The following TGDS variants were observed in gnomAD, a reference collection of about 807,000 sequenced individuals.
The protein encoded by TGDS is TDP-glucose 4,6-dehydratase.
A neutral mutation model predicts 52.3 loss-of-function variants in TGDS; 47 were observed. That is an observed-to-expected ratio of 0.90 (90% CI 0.71 to 1.15). The LOEUF (loss-of-function observed/expected upper bound fraction) is 1.15. Among genes scored for constraint, TGDS ranks in the 50% most tolerant of loss-of-function variants. TGDS has a pLI of 0.00. For missense variants in TGDS, 375 were observed against 418.4 expected, an observed-to-expected ratio of 0.90 and a Z score of 0.90; for synonymous variants, 115 against 136.9, an observed-to-expected ratio of 0.84 and a Z score of 1.12.
At position 94,583,243 on chromosome 13, in the gene TGDS, G is replaced by C; in HGVS notation, c.314-7C>G. On this transcript the variant is annotated splice_polypyrimidine_tract_variant and splice_region_variant and intron_variant, in intron 4 of 11. Transcript: ENST00000261296. ...GCACGTACGAATGAAAGATCTAAAAGAAAAGAGTGAAAAGCTAAAACAAGT... is the reference window on the plus strand; with the variant it reads ...GCACGTACGAATGAAAGATCTAAAACAAAAGAGTGAAAAGCTAAAACAAGT... 6.2e-7 allele frequency: 1 copy of C among 1,609,268 alleles called. No homozygotes were observed. Among genetic ancestry groups the C allele is most frequent in the Non-Finnish European group, 8.5e-7 (1 of 1,178,646 alleles).
At chr13:94,595,283 T>C (rs1042507097) in intron 1 of TGDS, among the ~76,000 whole-genome samples, 3 of 152,170 alleles carry the variant, frequency 2.0e-5, no homozygotes, top group African/African-American at 7.2e-5. Flanking sequence ...GTTGCAAAAG[T>C]AGGGCTTGGG....
At chr13:94,584,423 T>C (rs1240750843) in intron 4 of TGDS, among the ~76,000 whole-genome samples, 1 of 152,124 alleles carries the variant, frequency 6.6e-6, no homozygotes, top group African/African-American at 2.4e-5. Flanking sequence ...AGAACCAAGG[T>C]GTTCAGGGTA....
intron 1 of TGDS, among the ~76,000 whole-genome samples, chr13:94,595,325 G>T (rs1360128063): frequency 6.6e-6 from 1 of 152,142 alleles, no homozygotes; most frequent in Non-Finnish European, 1.5e-5. Flanking sequence ...GTAGAGTTTG[G>T]GCTTTATTCT....
chr13:94,582,214 T>C (rs898354367), intron 5 of TGDS, among the ~76,000 whole-genome samples: 4 of 142,536 alleles, frequency 2.8e-5, no homozygotes, highest in African/African-American at 1.0e-4. Context: ...AAAAAAAAAA[T>C]AGATTTTGGT....
chr13:94,592,500 T>G (rs756465924), intron 2 of TGDS, among the ~76,000 whole-genome samples, 191 bp from the exon 3 acceptor site: 22 of 152,182 alleles, frequency 1.4e-4, no homozygotes, highest in Non-Finnish European at 3.1e-4. Flanking sequence ...TTGCCCAGGC[T>G]GTAGTGCAGT....
At chr13:94,594,041 A>G in intron 1 of TGDS, 134 bp from the exon 2 acceptor site, 1 of 570,382 alleles carries the variant, frequency 1.8e-6, no homozygotes, top group Non-Finnish European at 3.1e-6. Context: ...CAGAAAACAT[A>G]ACTACACTAA....
At chr13:94,579,069 T>G (rs1888703981) in intron 7 of TGDS, among the ~76,000 whole-genome samples, 1 of 152,240 alleles carries the variant, frequency 6.6e-6, no homozygotes, top group African/African-American at 2.4e-5. Context: ...GCTGACTTCA[T>G]AAGGGCAGAT....
chr13:94,595,316 T>C (rs779705699), intron 1 of TGDS, among the ~76,000 whole-genome samples: 4 of 152,126 alleles, frequency 2.6e-5, no homozygotes, highest in Admixed American at 6.5e-5. Flanking sequence ...CTAGATATGG[T>C]AGAGTTTGGG....
chr13:94,582,590 T>C (rs940696162), intron 5 of TGDS, among the ~76,000 whole-genome samples: 6 of 152,220 alleles, frequency 3.9e-5, no homozygotes, highest in Admixed American at 6.5e-5. Flanking sequence ...ATACAAAGTA[T>C]TGATCCTAGG....
At chr13:94,595,655 T>C (rs2139551349) in intron 1 of TGDS, among the ~76,000 whole-genome samples, 1 of 152,256 alleles carries the variant, frequency 6.6e-6, no homozygotes, top group African/African-American at 2.4e-5. Flanking sequence ...TACATAGATG[T>C]CCTATTATAG....
intron 4 of TGDS, among the ~76,000 whole-genome samples, chr13:94,585,480 A>G (rs1566959726): frequency 6.6e-6 from 1 of 152,198 alleles, no homozygotes; most frequent in Non-Finnish European, 1.5e-5. Context: ...GTGGAAATAA[A>G]AAAACAAAAT....
chr13:94,595,894 G>A, intron 1 of TGDS, 157 bp downstream of exon 1: 3 of 771,018 alleles, frequency 3.9e-6, no homozygotes, highest in South Asian at 3.2e-5. Context: ...GCAGGCCAGA[G>A]AGAGAAAAGC....
At position 94,575,447 on chromosome 13, in the gene TGDS, G is replaced by A. The variant is rs940912966; in HGVS notation, c.983-595C>T. 2.6e-5 allele frequency among the ~76,000 whole-genome samples: 4 copies of A among 151,664 alleles called. No individual in the cohort carries two copies. The South Asian group carries it at 8.3e-4, about 32-fold the overall frequency. On this transcript the variant is annotated intron_variant, in intron 11 of 11. Coordinates refer to ENST00000261296, the MANE Select transcript of TGDS (RefSeq NM_014305.4). ...TAGGACTACAGGCATGTGCCACCAT[G>A]CCCCGCTGATTTTTTTACTTTTTGT...
chr13:94,588,284 G>A (rs1468038245), intron 4 of TGDS, among the ~76,000 whole-genome samples: 2 of 151,486 alleles, frequency 1.3e-5, no homozygotes, highest in Non-Finnish European at 2.9e-5. Context: ...TTAGCTGGGC[G>A]TGGTGGCGCA....
At chr13:94,594,242 A>G (rs991486895) in intron 1 of TGDS, among the ~76,000 whole-genome samples, 8 of 152,266 alleles carry the variant, frequency 5.3e-5, no homozygotes, top group African/African-American at 1.9e-4. Context: ...AATGGGAGCT[A>G]GTCAGCACAA....
At chr13:94,593,765 C>G (rs928223824) in intron 2 of TGDS, 76 bp downstream of exon 2, 3 of 1,083,440 alleles carry the variant, frequency 2.8e-6, no homozygotes, top group African/African-American at 3.2e-5. Context: ...ATCAGCATGA[C>G]AAGATTCTAG....
At chr13:94,582,432 G>A (rs1034262583) in intron 5 of TGDS, among the ~76,000 whole-genome samples, 2 of 152,164 alleles carry the variant, frequency 1.3e-5, no homozygotes, top group African/African-American at 4.8e-5. Flanking sequence ...GAGAATTCTG[G>A]GGCATGAAAA....
intron 1 of TGDS, 176 bp downstream of exon 1, chr13:94,595,875 C>T (rs906884259): frequency 5.8e-6 from 4 of 686,402 alleles, no homozygotes; most frequent in East Asian, 2.7e-5. Context: ...TCAAAGGAAC[C>T]ACTTCTTTGC....
chr13:94,595,804 C>T (rs1384377188), intron 1 of TGDS, among the ~76,000 whole-genome samples: 1 of 151,990 alleles, frequency 6.6e-6, no homozygotes, highest in Non-Finnish European at 1.5e-5. Context: ...GTGAGCACCT[C>T]CGGCCACAGA....
Sources: allele counts gnomAD v4.1 joint callset (sites outside exome capture counted in the v4.1 genomes callset), GRCh38; gene constraint gnomAD v4.1.1; transcripts MANE v1.5; gene names NCBI Gene and HGNC (gene_info 2026-07-23, HGNC 2026-07-21).